Variants in PTPRO observed in about 807,000 individuals in gnomAD.
PTPRO encodes receptor-type tyrosine-protein phosphatase O.
PTPRO carries 62 observed loss-of-function variants against 145.2 expected under a neutral mutation model. That is an observed-to-expected ratio of 0.43 (90% CI 0.35 to 0.53). The LOEUF (loss-of-function observed/expected upper bound fraction) is 0.53. Among genes scored for constraint, PTPRO ranks in the 20% least tolerant of loss-of-function variants. The pLI, the probability that PTPRO is intolerant of heterozygous loss-of-function variation, is 0.01. For missense variants in PTPRO, 1,345 were observed against 1,482.7 expected (o/e 0.91, Z 1.53); for synonymous variants, 565 against 514.7 (o/e 1.10, Z -1.32).
intron 26 of PTPRO, 24 bp downstream of exon 26, chr12:15,595,081 G>A (rs369373541): frequency 3.5e-5 from 51 of 1,474,844 alleles, no homozygotes; most frequent in Middle Eastern, 3.4e-4. Context: ...AGCTCTCCAC[G>A]AGTGCTCAGT....
intron 1 of PTPRO, among the ~76,000 whole-genome samples, chr12:15,452,687 T>A (rs1454696727): frequency 6.6e-6 from 1 of 152,152 alleles, no homozygotes; most frequent in African/African-American, 2.4e-5. Context: ...GCAGGGATGG[T>A]TTAACATATA....
At position 15,534,852 on chromosome 12, in the gene PTPRO, A is replaced by G. The variant is rs546648162; in HGVS notation, c.2164+8590A>G. On this transcript the variant is annotated intron_variant, in intron 12 of 26. Coordinates refer to ENST00000281171, the MANE Select transcript of PTPRO (RefSeq NM_030667.3). ...TATCAACAATGAAAGTAGGGGAACTAATTAAGGGGCTATTTGTGCCAGCTT... is the reference window on the plus strand; with the variant it reads ...TATCAACAATGAAAGTAGGGGAACTGATTAAGGGGCTATTTGTGCCAGCTT... Among the ~76,000 whole-genome samples the G allele has an allele frequency of 2.1e-4, 32 of 152,328 alleles. No individual in the cohort carries two copies. In the South Asian group the frequency reaches 6.6e-3, roughly 32 times the overall value.
At chr12:15,536,777 C>G (rs1198830706) in intron 12 of PTPRO, among the ~76,000 whole-genome samples, 1 of 152,174 alleles carries the variant, frequency 6.6e-6, no homozygotes, top group Non-Finnish European at 1.5e-5. Context: ...GGCAGTAATC[C>G]TCTTTAGGAT....
chr12:15,514,170 G>A (rs12582389), intron 7 of PTPRO, among the ~76,000 whole-genome samples: 23,094 of 151,980 alleles, frequency 0.15, 1,849 homozygotes, highest in Middle Eastern at 0.19. Flanking sequence ...AAAAAGCAGG[G>A]CCAAGTGTGG....
chr12:15,524,734 T>C (rs1407406086), intron 10 of PTPRO, 80 bp from the exon 11 acceptor site: 4 of 1,455,152 alleles, frequency 2.7e-6, no homozygotes, highest in East Asian at 2.3e-5. Flanking sequence ...GTTGACTCTA[T>C]ATGGGATTTC....
intron 2 of PTPRO, among the ~76,000 whole-genome samples, chr12:15,496,134 C>CTTTTTTTTTATTTTTTTTT (rs1349321752): frequency 1.1e-5 from 1 of 93,136 alleles, no homozygotes; most frequent in Non-Finnish European, 2.2e-5. Context: ...TTTTTCTTTT[C>CTTTTTTTTTATTTTTTTTT]TTTTTTTGTT....
chr12:15,530,181 A>C (rs751567907), intron 12 of PTPRO, among the ~76,000 whole-genome samples: 17 of 152,226 alleles, frequency 1.1e-4, no homozygotes, highest in Non-Finnish European at 2.1e-4. Context: ...AGGATATAAC[A>C]ATTATAAATA....
Position 15,503,795 on chromosome 12 carries a change from A to G in PTPRO, c.1106-113A>G, listed in dbSNP as rs560937882. On this transcript the variant is annotated intron_variant, in intron 5 of 26. Transcript: ENST00000281171. Reference sequence around the variant, plus strand: ...GTTTAGAGGTGTAATTGAACTTGACAAAAGGAGGGAACATTTAAAACACCT... The same window carrying G: ...GTTTAGAGGTGTAATTGAACTTGACGAAAGGAGGGAACATTTAAAACACCT... The G allele has an allele frequency of 2.1e-5, 16 of 774,614 alleles. No individual in the cohort carries two copies. The African/African-American group carries it at 2.8e-4, about 14-fold the overall frequency. 48.0% of individuals were successfully genotyped at this position (774,614 alleles called of 1,614,324 possible). A position where few individuals can be genotyped will look rare whatever the true frequency, so the allele number is the denominator to read the frequency against.
chr12:15,539,973 G>A (rs1943148827), intron 12 of PTPRO, among the ~76,000 whole-genome samples: 1 of 149,218 alleles, frequency 6.7e-6, no homozygotes, highest in African/African-American at 2.5e-5. Flanking sequence ...CTTGTTAAAT[G>A]TATCTAGGAA....
At chr12:15,539,590 T>TGTTTAGTA (rs1248048468) in intron 12 of PTPRO, among the ~76,000 whole-genome samples, 2 of 151,730 alleles carry the variant, frequency 1.3e-5, no homozygotes, top group Non-Finnish European at 2.9e-5. Flanking sequence ...GGTGAAACCC[T>TGTTTAGTA]GTTTCTACTA....
At chr12:15,577,809 C>T (rs1944219542) in intron 19 of PTPRO, among the ~76,000 whole-genome samples, 1 of 152,088 alleles carries the variant, frequency 6.6e-6, no homozygotes, top group African/African-American at 2.4e-5. Context: ...TGTACAACTC[C>T]AGTGAACACC....
chr12:15,520,646 C>T (rs1328642296), intron 10 of PTPRO, among the ~76,000 whole-genome samples: 1 of 151,900 alleles, frequency 6.6e-6, no homozygotes, highest in African/African-American at 2.4e-5. Context: ...ATTGATTTTA[C>T]CCATATGATG....
Position 15,508,714 on chromosome 12 carries a change from A to T in PTPRO, c.1411A>T (p.Thr471Ser). The T allele has an allele frequency of 1.2e-6, 2 of 1,614,136 alleles. No homozygotes were observed. Among genetic ancestry groups the T allele is most frequent in the Middle Eastern group, 3.3e-4 (2 of 6,056 alleles). The change falls in exon 7 of 27, where the codon ACC (threonine) becomes TCC (serine). Residue 471 changes from threonine (T) to serine (S), a missense_variant. Physicochemically the swap from Thr to Ser is moderately conservative, Grantham distance 58 (BLOSUM62 1). Transcript: ENST00000281171. Reference sequence around the variant, plus strand: ...CACCATTGTGTCTGTGGTGTCGCTGACCTGCCAGAAACAAAAGGAGAGCCA... The same window carrying T: ...CACCATTGTGTCTGTGGTGTCGCTGTCCTGCCAGAAACAAAAGGAGAGCCA... ...NSTIVSVVSL[T>S]CQKQKESQRL...
chr12:15,460,904 C>G (rs1389492207), intron 1 of PTPRO, among the ~76,000 whole-genome samples: 1 of 152,152 alleles, frequency 6.6e-6, no homozygotes, highest in Non-Finnish European at 1.5e-5. Flanking sequence ...ATAGATCTCT[C>G]CTTGTTCCCC....
chr12:15,504,731 A>G (rs1942287898), intron 6 of PTPRO, among the ~76,000 whole-genome samples: 1 of 152,244 alleles, frequency 6.6e-6, no homozygotes, highest in East Asian at 1.9e-4. Flanking sequence ...CAGGAGTTAT[A>G]TGTGCCTCCG....
intron 1 of PTPRO, among the ~76,000 whole-genome samples, chr12:15,378,504 G>A (rs908019540): frequency 6.6e-6 from 1 of 151,972 alleles, no homozygotes; most frequent in African/African-American, 2.4e-5. Flanking sequence ...AACAATAATG[G>A]AAACTGAATA....
At chr12:15,331,906 T>C (rs538772191) in intron 1 of PTPRO, among the ~76,000 whole-genome samples, 82 of 152,152 alleles carry the variant, frequency 5.4e-4, no homozygotes, top group Non-Finnish European at 1.1e-3. Flanking sequence ...AGAAATATGA[T>C]GTATAACATT....
intron 1 of PTPRO, among the ~76,000 whole-genome samples, chr12:15,364,765 A>T (rs1271539501): frequency 2.0e-5 from 3 of 152,210 alleles, no homozygotes; most frequent in Admixed American, 6.6e-5. Flanking sequence ...TTTAGAAAAG[A>T]TCAAATAATT....
At chr12:15,399,830 C>G (rs960146861) in intron 1 of PTPRO, among the ~76,000 whole-genome samples, 1 of 151,660 alleles carries the variant, frequency 6.6e-6, no homozygotes, top group Non-Finnish European at 1.5e-5. Flanking sequence ...ACAGGTGGAT[C>G]ACTTGAGGTC....
Sources: allele counts gnomAD v4.1 joint callset (sites outside exome capture counted in the v4.1 genomes callset), GRCh38; gene constraint gnomAD v4.1.1; transcripts MANE v1.5; gene names NCBI Gene and HGNC (gene_info 2026-07-23, HGNC 2026-07-21).